The following RAB3C variants were observed in gnomAD, a reference collection of about 807,000 sequenced individuals.
RAB3C encodes ras-related protein Rab-3C.
A neutral mutation model predicts 26.4 loss-of-function variants in RAB3C; 17 were observed. That is an observed-to-expected ratio of 0.64 (90% CI 0.44 to 0.97). The LOEUF is 0.97. Ranked by LOEUF, RAB3C falls within the 50% of genes least tolerant of loss-of-function variation. RAB3C has a pLI of 0.00. For synonymous variants in RAB3C, 91 were observed against 95.9 expected (o/e 0.95, Z 0.30); for missense variants, 242 against 281.9 (o/e 0.86, Z 1.01).
chr5:58,813,618 A>ATATT (rs1743142186), intron 3 of RAB3C, among the ~76,000 whole-genome samples: 1 of 51,508 alleles, frequency 1.9e-5, no homozygotes, highest in African/African-American at 8.0e-5. Context: ...ATATATATAT[A>ATATT]TATATATATA....
intron 3 of RAB3C, among the ~76,000 whole-genome samples, chr5:58,808,016 G>T (rs1742983167): frequency 6.6e-6 from 1 of 152,006 alleles, no homozygotes; most frequent in African/African-American, 2.4e-5. Context: ...ACAAGGTCAG[G>T]AGATCGAGAC....
chr5:58,613,020 T>C (rs563005149), intron 1 of RAB3C, among the ~76,000 whole-genome samples: 199 of 152,230 alleles, frequency 1.3e-3, no homozygotes, highest in African/African-American at 4.8e-3. Flanking sequence ...ACAGTTTAGA[T>C]TTGTGAGTGG....
intron 2 of RAB3C, among the ~76,000 whole-genome samples, chr5:58,624,727 C>T (rs1170171329): frequency 6.6e-6 from 1 of 152,014 alleles, no homozygotes; most frequent in East Asian, 1.9e-4. Context: ...AACATGCAGG[C>T]AAAGATGTGT....
chr5:58,754,884 CCT>C, intron 3 of RAB3C, among the ~76,000 whole-genome samples: 1 of 120,330 alleles, frequency 8.3e-6, no homozygotes, highest in Middle Eastern at 4.2e-3. Context: ...TCCTTATTCT[CCT>C]TTTTTTTTTC....
intron 2 of RAB3C, among the ~76,000 whole-genome samples, chr5:58,674,258 A>G (rs1215207208): frequency 6.6e-6 from 1 of 152,236 alleles, no homozygotes; most frequent in African/African-American, 2.4e-5. Context: ...TGTGAGTATT[A>G]CACAAAGATT....
chr5:58,596,910 A>G (rs1435131186), intron 1 of RAB3C, among the ~76,000 whole-genome samples: 2 of 96,934 alleles, frequency 2.1e-5, no homozygotes, highest in East Asian at 6.6e-4. Flanking sequence ...ATATTTTAAT[A>G]TATAATACAT....
At chr5:58,767,942 G>A (rs1362178355) in intron 3 of RAB3C, among the ~76,000 whole-genome samples, 1 of 152,154 alleles carries the variant, frequency 6.6e-6, no homozygotes, top group Non-Finnish European at 1.5e-5. Flanking sequence ...TAGATTAAGT[G>A]GTCATGATGG....
chr5:58,662,873 T>C (rs1241873207), intron 2 of RAB3C, among the ~76,000 whole-genome samples: 2 of 150,300 alleles, frequency 1.3e-5, no homozygotes, highest in African/African-American at 5.0e-5. Context: ...GGTAGTTCAA[T>C]TATGTTTGTC....
chr5:58,710,551 A>C (rs1336396166), intron 2 of RAB3C, among the ~76,000 whole-genome samples: 1 of 151,886 alleles, frequency 6.6e-6, no homozygotes, highest in Non-Finnish European at 1.5e-5. Flanking sequence ...GTGAGCCGAG[A>C]TCACGCCACT....
At chr5:58,710,603 TAA>T (rs1251152517) in intron 2 of RAB3C, among the ~76,000 whole-genome samples, 3,961 of 143,074 alleles carry the variant, frequency 0.028, 168 homozygotes, top group African/African-American at 0.09. Flanking sequence ...TGTCTCAAAA[TAA>T]ATAAATAAAT....
chr5:58,612,010 T>C (rs1201541518), intron 1 of RAB3C, among the ~76,000 whole-genome samples: 1 of 152,178 alleles, frequency 6.6e-6, no homozygotes, highest in African/African-American at 2.4e-5. Context: ...TTGCTTGTTT[T>C]TGTCAGGTTT....
chr5:58,647,797 C>T (rs563448013), intron 2 of RAB3C: 1 of 152,280 alleles, frequency 6.6e-6, no homozygotes, highest in African/African-American at 2.4e-5. Flanking sequence ...CACACAATCT[C>T]ACATGAACCT....
chr5:58,761,024 C>T (rs1190142541), intron 3 of RAB3C, among the ~76,000 whole-genome samples: 2 of 141,202 alleles, frequency 1.4e-5, no homozygotes, highest in Non-Finnish European at 3.1e-5. Flanking sequence ...TATATGATCA[C>T]ATTCCTTCTC....
intron 4 of RAB3C, among the ~76,000 whole-genome samples, chr5:58,841,555 G>A (rs1394837556): frequency 1.3e-5 from 2 of 152,114 alleles, no homozygotes; most frequent in African/African-American, 4.8e-5. Context: ...GTGAGGTATG[G>A]GGAGTGCAAA....
chr5:58,752,703 G>A (rs1033807433), intron 3 of RAB3C, among the ~76,000 whole-genome samples: 1 of 152,010 alleles, frequency 6.6e-6, no homozygotes, highest in Non-Finnish European at 1.5e-5. Flanking sequence ...TGCAACTTTG[G>A]GGGAATTATA....
chr5:58,609,356 C>T (rs1746644410), intron 1 of RAB3C, among the ~76,000 whole-genome samples: 1 of 152,088 alleles, frequency 6.6e-6, no homozygotes, highest in Admixed American at 6.6e-5. Context: ...AGAAAAATGT[C>T]TCATTTTTCC....
chr5:58,856,840 C>G lies in RAB3C; in HGVS notation c.*5489C>G, dbSNP rs1744269427. ...AAAAGTAAAGTTTGGGTATTGTTTGCTGTATCAATATGATGGCTTTCCATG... is the reference window on the plus strand; with the variant it reads ...AAAAGTAAAGTTTGGGTATTGTTTGGTGTATCAATATGATGGCTTTCCATG... On this transcript the variant is annotated 3_prime_UTR_variant, in exon 5 of 5. Coordinates refer to ENST00000282878, the MANE Select transcript of RAB3C (RefSeq NM_138453.4). 1.3e-5 allele frequency: 2 copies of G among 152,156 alleles called. No homozygotes were observed. 9.4% of individuals were successfully genotyped at this position (152,156 alleles called of 1,614,324 possible). A position where few individuals can be genotyped will look rare whatever the true frequency, so the allele number is the denominator to read the frequency against.
chr5:58,842,667 A>G (rs1441682817), intron 4 of RAB3C, among the ~76,000 whole-genome samples: 1 of 152,248 alleles, frequency 6.6e-6, no homozygotes, highest in Non-Finnish European at 1.5e-5. Flanking sequence ...GAGTTCAGTG[A>G]AAAAGCTAGC....
rs767120805 is a variant in RAB3C at position 58,617,653 on chromosome 5, C to G, written c.35C>G (p.Ala12Gly). 13 of 1,612,402 alleles carry G rather than the reference C, an allele frequency of 8.1e-6. No individual in the cohort carries two copies. The highest frequency in any genetic ancestry group is 5.3e-5 in the African/African-American group (4 of 74,870). ...RHEAPMQMAS[A>G]QDARYGQKDS... ...TTGTTTTTATCACAGATGGCCTCTG[C>G]CCAAGATGCCAGGTACGGCCAGAAA... Residue 12 changes from alanine (A) to glycine (G), a missense_variant, in exon 2 of 5, where the codon GCC becomes GGC. By Grantham distance (60) the Ala-to-Gly change is moderately conservative. Transcript: ENST00000282878.
Sources: gnomAD v4.1 joint callset for allele counts (sites outside exome capture counted in the v4.1 genomes callset) on GRCh38, gnomAD v4.1.1 for gene constraint, MANE v1.5 for transcripts, NCBI Gene and HGNC (gene_info 2026-07-23, HGNC 2026-07-21) for gene names.